BICRA: variants seen among roughly 807,000 people sequenced by gnomAD.
The protein encoded by BICRA is BRD4-interacting chromatin-remodeling complex-associated protein.
In BICRA, 31 loss-of-function variants were observed where a neutral mutation model predicts 96.9. That is an observed-to-expected ratio of 0.32 (90% confidence interval 0.24 to 0.43). The LOEUF is 0.43. Ranked by LOEUF, BICRA falls within the 20% of genes least tolerant of loss-of-function variation. The pLI, the probability that BICRA is intolerant of heterozygous loss-of-function variation, is 1.00. For missense variants in BICRA, 2,283 were observed against 2,190.3 expected (o/e 1.04, Z -0.84); for synonymous variants, 1,350 against 1,071.8 (o/e 1.26, Z -5.07).
chr19:47,702,853 T>A lies in BICRA; in HGVS notation c.*438T>A. The A allele has an allele frequency of 5.9e-6, 1 of 170,516 alleles. No individual in the cohort carries two copies. The highest frequency in any genetic ancestry group is 1.2e-5 in the Non-Finnish European group (1 of 80,962). 10.6% of individuals were successfully genotyped at this position (170,516 alleles called of 1,614,324 possible). On this transcript the variant is annotated 3_prime_UTR_variant, in exon 15 of 15. Coordinates refer to ENST00000594866, the MANE Select transcript of BICRA (RefSeq NM_001394372.1). ...AGGGTCCTTCCAGACAGTCTCAGCC[T>A]CTCCCCGCCGCCCCCAACAGGCTGT...
At chr19:47,632,592 G>C (rs188943439) in intron 1 of BICRA, among the ~76,000 whole-genome samples, 3 of 152,246 alleles carry the variant, frequency 2.0e-5, no homozygotes, top group Admixed American at 6.5e-5. Context: ...GGAACCGCAC[G>C]TGTGGGCTCC....
Position 47,675,596 on chromosome 19 carries a change from C to T in BICRA, c.85-255C>T, listed in dbSNP as rs187903734. On this transcript the variant is annotated intron_variant, in intron 4 of 14. Coordinates refer to ENST00000594866, the MANE Select transcript of BICRA (RefSeq NM_001394372.1). The surrounding 1 kb of genome is among the most constrained non-coding windows in gnomAD (Gnocchi z 4.7). ...GGCGTGAAGGCAGGATTCCGGAATT[C>T]GAGGCAGTCACAGCAGGATCGCTTC... 3.0e-4 allele frequency among the ~76,000 whole-genome samples: 45 copies of T among 152,234 alleles called. No homozygotes were observed. Among genetic ancestry groups the T allele is most frequent in the African/African-American group, 9.4e-4 (39 of 41,536 alleles).
intron 1 of BICRA, chr19:47,626,218 C>T (rs1338522041): frequency 2.6e-5 from 4 of 152,134 alleles, no homozygotes; most frequent in Admixed American, 2.6e-4. Flanking sequence ...AGCATCAGCT[C>T]CTTCACTCAC....
At position 47,669,641 on chromosome 19, in the gene BICRA, A is replaced by G. The variant is rs1972833412; in HGVS notation, c.-107-802A>G. On this transcript the variant is annotated intron_variant, in intron 1 of 14. Coordinates refer to ENST00000594866, the MANE Select transcript of BICRA (RefSeq NM_001394372.1). ...TATAGTGTGGTTTTGTTCTATTTAA[A>G]TTATTCTTATTTTTATTTTTATTTT... Among the ~76,000 whole-genome samples the G allele has an allele frequency of 2.0e-5, 3 of 152,138 alleles. No individual in the cohort carries two copies. In the South Asian group the frequency reaches 6.2e-4, roughly 32 times the overall value.
At chr19:47,635,279 G>T (rs988305568) in intron 1 of BICRA, among the ~76,000 whole-genome samples, 4 of 149,974 alleles carry the variant, frequency 2.7e-5, no homozygotes, top group African/African-American at 9.8e-5. Context: ...ACCGGGTCTG[G>T]CTCTGTCGCC....
intron 6 of BICRA, among the ~76,000 whole-genome samples, chr19:47,681,554 GAGAGGGACC>G (rs1973061102): frequency 6.6e-6 from 1 of 152,148 alleles, no homozygotes; most frequent in Non-Finnish European, 1.5e-5. Flanking sequence ...GACAGACAAA[GAGAGGGACC>G]AGTGAACAGA....
intron 7 of BICRA, among the ~76,000 whole-genome samples, chr19:47,693,331 C>G (rs931801826): frequency 6.6e-6 from 1 of 152,244 alleles, no homozygotes; most frequent in Non-Finnish European, 1.5e-5. Context: ...CTTGCAGACA[C>G]AGGCTTCATC....
rs1319005853 is a variant in BICRA at position 47,698,922 on chromosome 19, G to A, written c.3398-43G>A. ...CCCTCCTTCCTGCGCATCCGCGGCC[G>A]CCCCCAACATCTCCGCCCTTGCCTC... On this transcript the variant is annotated intron_variant, in intron 12 of 14. Coordinates refer to ENST00000594866, the MANE Select transcript of BICRA (RefSeq NM_001394372.1). The surrounding 1 kb of genome is among the most constrained non-coding windows in gnomAD (Gnocchi z 4.8). 2 of 1,461,514 alleles carry A rather than the reference G, an allele frequency of 1.4e-6. No individual in the cohort carries two copies. The highest frequency in any genetic ancestry group is 1.9e-6 in the Non-Finnish European group (2 of 1,063,080). The allele number at this position is 1,461,514 out of a possible 1,614,324, so 90.5% of individuals were successfully genotyped here.
intron 1 of BICRA, among the ~76,000 whole-genome samples, chr19:47,647,884 G>A (rs189606892): frequency 2.0e-3 from 307 of 150,326 alleles, no homozygotes; most frequent in Admixed American, 3.3e-3. Flanking sequence ...TATGGAGACC[G>A]TAGTTCGCGG....
At chr19:47,694,038 C>G in intron 7 of BICRA, 77 bp from the exon 8 acceptor site, 1 of 1,432,820 alleles carries the variant, frequency 7.0e-7, no homozygotes, top group African/African-American at 1.4e-5. Context: ...GGCTGGGGAC[C>G]CCAGTGTCTT....
intron 7 of BICRA, among the ~76,000 whole-genome samples, chr19:47,683,624 G>T (rs560567044): frequency 2.7e-5 from 4 of 147,178 alleles, no homozygotes; most frequent in Admixed American, 1.4e-4. Context: ...TCGCTCTGTT[G>T]CCCAGGCTGG....
At chr19:47,608,560 G>A (rs1971843240), upstream of BICRA, 1 of 152,194 alleles carries the variant, frequency 6.6e-6, no homozygotes, top group Admixed American at 6.5e-5. Context: ...GGCGGTCTGG[G>A]AGCGCGGATC....
At chr19:47,618,344 T>C (rs553018194) in intron 1 of BICRA, among the ~76,000 whole-genome samples, 96 of 152,160 alleles carry the variant, frequency 6.3e-4, no homozygotes, top group Non-Finnish European at 1.3e-3. Context: ...TTCCCTCCTT[T>C]AGTCCAGGTT....
At chr19:47,635,434 G>A (rs1161891137) in intron 1 of BICRA, among the ~76,000 whole-genome samples, 1 of 150,894 alleles carries the variant, frequency 6.6e-6, no homozygotes, top group Admixed American at 6.6e-5. Flanking sequence ...TTTACTTTTT[G>A]TAGAGACAGG....
chr19:47,679,273 C>T, intron 5 of BICRA, 48 bp from the exon 6 acceptor site: 1 of 1,372,322 alleles, frequency 7.3e-7, no homozygotes, highest in South Asian at 1.7e-5. Flanking sequence ...CTAAGCGTAG[C>T]CCCTTGCTAA....
intron 1 of BICRA, among the ~76,000 whole-genome samples, chr19:47,617,561 A>G (rs902632781): frequency 6.6e-6 from 1 of 151,076 alleles, no homozygotes; most frequent in Non-Finnish European, 1.5e-5. Flanking sequence ...AAGGGGTTTC[A>G]CCATGTTGGC....
In BICRA at chr19:47,648,678, T is replaced by G. The variant is rs551102742; in HGVS notation, c.-107-21765T>G. Among the ~76,000 whole-genome samples the G allele has an allele frequency of 6.8e-3, 1,013 of 147,976 alleles. 9 individuals carry two copies. Among genetic ancestry groups the G allele is most frequent in the African/African-American group, 0.014 (582 of 40,194 alleles). ...CCTGAGGTCAGGAGTTTTTTTTTTT[T>G]GTTTGTTTTTTTTTTTTTGAGACAG... is the stretch of plus-strand genomic sequence containing the variant. On this transcript the variant is annotated intron_variant, in intron 1 of 14. Transcript: ENST00000594866.
At chr19:47,659,378 T>C (rs1322750910) in intron 1 of BICRA, among the ~76,000 whole-genome samples, 3 of 152,180 alleles carry the variant, frequency 2.0e-5, no homozygotes, top group East Asian at 1.9e-4. Flanking sequence ...AACATTTTTT[T>C]CCCTGTTTTC....
chr19:47,663,896 G>A (rs1972739129), intron 1 of BICRA: 1 of 107,766 alleles, frequency 9.3e-6, no homozygotes, highest in Non-Finnish European at 2.0e-5. Context: ...TCCATTCCAT[G>A]CATTTTAATT....
Sources: allele counts gnomAD v4.1 joint callset (sites outside exome capture counted in the v4.1 genomes callset), GRCh38; gene constraint gnomAD v4.1.1; non-coding constraint Gnocchi (gnomAD v3.1); transcripts MANE v1.5; gene names NCBI Gene and HGNC (gene_info 2026-07-23, HGNC 2026-07-21).